Variants in PALM2AKAP2 observed in about 807,000 individuals in gnomAD.
PALM2AKAP2 encodes the protein PALM2-AKAP2 fusion protein.
PALM2AKAP2 carries 37 observed loss-of-function variants against 71.5 expected under a neutral mutation model. That is an observed-to-expected ratio of 0.52 (90% CI 0.40 to 0.68). The LOEUF is 0.68. Ranked by LOEUF, PALM2AKAP2 falls within the 30% of genes least tolerant of loss-of-function variation. The pLI, the probability that PALM2AKAP2 is intolerant of heterozygous loss-of-function variation, is 0.00. For missense variants in PALM2AKAP2, 1,224 were observed against 1,191.8 expected, an observed-to-expected ratio of 1.03 and a Z score of -0.40; for synonymous variants, 468 against 478.8, an observed-to-expected ratio of 0.98 and a Z score of 0.29.
chr9:110,074,970 TC>T (rs1476109145), intron 1 of PALM2AKAP2, among the ~76,000 whole-genome samples: 1 of 150,936 alleles, frequency 6.6e-6, no homozygotes, highest in Non-Finnish European at 1.5e-5. Context: ...GCCACTGCAC[TC>T]CAGCCTGAGC....
intron 1 of PALM2AKAP2, among the ~76,000 whole-genome samples, chr9:110,055,603 A>G (rs1833821104): frequency 6.6e-6 from 1 of 152,160 alleles, no homozygotes; most frequent in Non-Finnish European, 1.5e-5. Context: ...ATTCCATTGT[A>G]TTGGGAATTA....
intron 6 of PALM2AKAP2, among the ~76,000 whole-genome samples, chr9:109,979,330 G>A (rs1832226793): frequency 6.6e-6 from 1 of 152,162 alleles, no homozygotes; most frequent in South Asian, 2.1e-4. Context: ...CCATGAGGGT[G>A]GAGGAAGAAC....
intron 2 of PALM2AKAP2, among the ~76,000 whole-genome samples, chr9:110,140,003 T>C (rs1466503173): frequency 6.6e-6 from 1 of 152,238 alleles, no homozygotes; most frequent in Admixed American, 6.5e-5. Flanking sequence ...ATATTGATTA[T>C]GATCACTCCA....
chr9:109,720,075 G>A (rs1828383368), intron 1 of PALM2AKAP2, among the ~76,000 whole-genome samples: 1 of 151,572 alleles, frequency 6.6e-6, no homozygotes, highest in South Asian at 2.1e-4. Flanking sequence ...CACAACCTCT[G>A]CCTCCTGGGT....
At chr9:110,166,038 G>C (rs1836726722) in intron 3 of PALM2AKAP2, among the ~76,000 whole-genome samples, 1 of 152,198 alleles carries the variant, frequency 6.6e-6, no homozygotes, top group African/African-American at 2.4e-5. Flanking sequence ...GAAAGGCAAA[G>C]AGATGATCCT....
At chr9:109,853,355 G>C (rs1829071920) in intron 1 of PALM2AKAP2, among the ~76,000 whole-genome samples, 1 of 152,182 alleles carries the variant, frequency 6.6e-6, no homozygotes, top group Admixed American at 6.5e-5. Flanking sequence ...TGGCATTTCA[G>C]TGTATAGCTT....
intron 1 of PALM2AKAP2, among the ~76,000 whole-genome samples, chr9:109,651,275 T>G (rs1311998842): frequency 3.3e-5 from 5 of 152,184 alleles, no homozygotes; most frequent in African/African-American, 1.2e-4. Context: ...GGCCAGGGCA[T>G]CTTTCCTCTT....
At chr9:109,899,851 C>A (rs1830290240) in intron 3 of PALM2AKAP2, among the ~76,000 whole-genome samples, 1 of 152,146 alleles carries the variant, frequency 6.6e-6, no homozygotes, top group Non-Finnish European at 1.5e-5. Context: ...TTCCCTGAGC[C>A]CTAAACCCTG....
At chr9:110,019,521 C>T (rs1381785388) in intron 7 of PALM2AKAP2, among the ~76,000 whole-genome samples, 1 of 152,114 alleles carries the variant, frequency 6.6e-6, no homozygotes, top group East Asian at 1.9e-4. Flanking sequence ...GCACTATTCA[C>T]AGTAGGAAAA....
intron 6 of PALM2AKAP2, among the ~76,000 whole-genome samples, chr9:109,987,271 C>T (rs1448878884): frequency 2.0e-5 from 3 of 152,116 alleles, no homozygotes; most frequent in Non-Finnish European, 4.4e-5. Flanking sequence ...GCTGGGACTA[C>T]AGGTGTGCGC....
chr9:109,987,205 A>G (rs1832394901), intron 6 of PALM2AKAP2, among the ~76,000 whole-genome samples: 1 of 152,042 alleles, frequency 6.6e-6, no homozygotes, highest in South Asian at 2.1e-4. Flanking sequence ...GTCTCAGCTC[A>G]CTACAACCTC....
At position 109,789,331 on chromosome 9, in the gene PALM2AKAP2, C is replaced by T. The variant is rs999240454; in HGVS notation, c.45+8798C>T. Among the ~76,000 whole-genome samples the T allele has an allele frequency of 5.9e-5, 9 of 152,226 alleles. No individual in the cohort carries two copies. In the South Asian group the frequency reaches 1.5e-3, roughly 25 times the overall value. On this transcript the variant is annotated intron_variant, in intron 1 of 9. Transcript: ENST00000302798. Reference sequence around the variant, plus strand: ...TCTCCAGCCTGCAGGTGCTAATTCGCGATGTGATTGCTTCTCACGTGGGCA... The same window carrying T: ...TCTCCAGCCTGCAGGTGCTAATTCGTGATGTGATTGCTTCTCACGTGGGCA...
At chr9:109,989,543 A>C (rs1196072417) in intron 6 of PALM2AKAP2, among the ~76,000 whole-genome samples, 1 of 152,236 alleles carries the variant, frequency 6.6e-6, no homozygotes. Flanking sequence ...GGCCTCAACC[A>C]CAAAACAGCA....
At chr9:109,867,331 A>G (rs1443110620) in intron 1 of PALM2AKAP2, 160 bp from the exon 2 acceptor site, 5 of 721,720 alleles carry the variant, frequency 6.9e-6, no homozygotes, top group Non-Finnish European at 1.2e-5. Context: ...GCTGCTTGCA[A>G]CACACCCAGA....
chr9:110,144,007 G>A (rs1836100352), intron 2 of PALM2AKAP2, among the ~76,000 whole-genome samples: 1 of 152,204 alleles, frequency 6.6e-6, no homozygotes, highest in South Asian at 2.1e-4. Context: ...CTGGGTCTCT[G>A]TTCTTTCCCC....
intron 1 of PALM2AKAP2, among the ~76,000 whole-genome samples, chr9:109,756,332 A>T (rs1828963342): frequency 6.6e-6 from 1 of 152,164 alleles, no homozygotes; most frequent in Non-Finnish European, 1.5e-5. Flanking sequence ...ATTTATTTGT[A>T]TGTGAATGTG....
At chr9:109,890,325 T>C (rs1410491367) in intron 3 of PALM2AKAP2, among the ~76,000 whole-genome samples, 1 of 152,162 alleles carries the variant, frequency 6.6e-6, no homozygotes, top group African/African-American at 2.4e-5. Context: ...GGAAGAGTAC[T>C]GTGGGACCCG....
chr9:109,664,969 T>C (rs895871242), intron 1 of PALM2AKAP2, among the ~76,000 whole-genome samples: 1 of 152,248 alleles, frequency 6.6e-6, no homozygotes, highest in Non-Finnish European at 1.5e-5. Context: ...TTCCACTTGA[T>C]TGAATCGGCT....
At chr9:109,689,641 T>C (rs1056124608) in intron 1 of PALM2AKAP2, among the ~76,000 whole-genome samples, 1 of 152,184 alleles carries the variant, frequency 6.6e-6, no homozygotes, top group African/African-American at 2.4e-5. Flanking sequence ...AAAGAATCAA[T>C]AGATGGAAAA....
Sources: allele counts gnomAD v4.1 joint callset (sites outside exome capture counted in the v4.1 genomes callset), GRCh38; gene constraint gnomAD v4.1.1; transcripts MANE v1.5; gene names NCBI Gene and HGNC (gene_info 2026-07-23, HGNC 2026-07-21).